The following ORC4 variants were observed in gnomAD, a reference collection of about 807,000 sequenced individuals.
ORC4 encodes origin recognition complex, subunit 4 homolog.
ORC4 carries 55 observed loss-of-function variants against 63.9 expected under a neutral mutation model. The ratio of observed to expected loss-of-function variants is 0.86; its 90% CI spans 0.69 to 1.08. The LOEUF is 1.08. Among genes scored for constraint, ORC4 ranks in the 50% least tolerant of loss-of-function variants. ORC4 has a pLI of 0.00. For missense variants in ORC4, 511 were observed against 504.4 expected, an observed-to-expected ratio of 1.01 and a Z score of -0.13; for synonymous variants, 150 against 168.5, an observed-to-expected ratio of 0.89 and a Z score of 0.85.
At chr2:147,945,066 T>G (rs181557717) in intron 9 of ORC4, among the ~76,000 whole-genome samples, 2 of 152,222 alleles carry the variant, frequency 1.3e-5, no homozygotes, top group East Asian at 3.9e-4. Context: ...GGAAGATATG[T>G]GGCTAAATAT....
intron 4 of ORC4, among the ~76,000 whole-genome samples, chr2:147,959,361 C>CT (rs3835752): frequency 0.33 from 49,314 of 151,416 alleles, 8,272 homozygotes; most frequent in East Asian, 0.51. Flanking sequence ...CCAATGCATT[C>CT]TTTTTTTTAA....
At chr2:147,973,329 T>C in intron 3 of ORC4, 119 bp downstream of exon 3, 1 of 716,074 alleles carries the variant, frequency 1.4e-6, no homozygotes, top group South Asian at 1.6e-5. Flanking sequence ...CAAAATTTTT[T>C]ATTTCTATAA....
chr2:147,989,770 C>T (rs1360086356), intron 1 of ORC4, among the ~76,000 whole-genome samples: 1 of 152,110 alleles, frequency 6.6e-6, no homozygotes, highest in East Asian at 1.9e-4. Context: ...TTTCCAAGAA[C>T]ACTAATTTAT....
intron 2 of ORC4, among the ~76,000 whole-genome samples, chr2:147,974,013 G>T (rs1005657937): frequency 1.1e-4 from 16 of 152,236 alleles, no homozygotes; most frequent in African/African-American, 3.9e-4. Flanking sequence ...ACCTGAGGGT[G>T]CTATCTCAGA....
intron 1 of ORC4, among the ~76,000 whole-genome samples, chr2:147,993,902 T>C (rs538490549): frequency 2.0e-4 from 30 of 152,314 alleles, no homozygotes; most frequent in African/African-American, 7.0e-4. Flanking sequence ...ATTCTTTATA[T>C]ACCTTTTCTC....
At chr2:147,973,836 G>T (rs1367989432) in intron 2 of ORC4, among the ~76,000 whole-genome samples, 1 of 152,166 alleles carries the variant, frequency 6.6e-6, no homozygotes, top group Non-Finnish European at 1.5e-5. Context: ...GTTAAGAAAA[G>T]AATTCTTGTA....
intron 7 of ORC4, among the ~76,000 whole-genome samples, chr2:147,953,619 T>C (rs1689087622): frequency 6.6e-6 from 1 of 152,142 alleles, no homozygotes; most frequent in African/African-American, 2.4e-5. Context: ...GATTATAAAG[T>C]TCAACTAAAG....
intron 1 of ORC4, among the ~76,000 whole-genome samples, chr2:147,995,718 G>A (rs532578161): frequency 2.0e-5 from 3 of 152,104 alleles, no homozygotes; most frequent in East Asian, 1.9e-4. Flanking sequence ...CGAAGTTAGC[G>A]AGACCACGAA....
At chr2:147,965,765 T>C (rs888517400) in intron 4 of ORC4, among the ~76,000 whole-genome samples, 20 of 152,200 alleles carry the variant, frequency 1.3e-4, no homozygotes, top group African/African-American at 4.8e-4. Context: ...CTGCAGAATG[T>C]ACATTCTTCT....
intron 4 of ORC4, among the ~76,000 whole-genome samples, chr2:147,971,471 C>G (rs1690205497): frequency 6.6e-6 from 1 of 151,518 alleles, no homozygotes; most frequent in African/African-American, 2.4e-5. Flanking sequence ...GACACCTCAC[C>G]AAACATATAT....
chr2:147,980,284 A>G (rs1249001268), intron 1 of ORC4, among the ~76,000 whole-genome samples: 1 of 152,136 alleles, frequency 6.6e-6, no homozygotes, highest in Non-Finnish European at 1.5e-5. Context: ...TATAATAGCT[A>G]TTTACAAAGC....
chr2:147,952,460 A>C lies in ORC4; in HGVS notation c.501T>G (p.His167Gln). ...ILDEFDLFAH[H>Q]KNQTLLYNLF... ...GATTATAGAGAAGTGTTTGGTTTTT[A>C]TGATGAGCAAAAAGATCAAATTCAT... The change falls in exon 8 of 14, where the codon CAT becomes CAG. Residue 167 changes from histidine (H) to glutamine (Q), a missense_variant. By Grantham distance (24) the His-to-Gln change is conservative. Coordinates refer to ENST00000392857, the MANE Select transcript of ORC4 (RefSeq NM_181741.4). 1 of 1,611,400 alleles carries C rather than the reference A, an allele frequency of 6.2e-7. No individual in the cohort carries two copies. Among genetic ancestry groups the C allele is most frequent in the Non-Finnish European group, 8.5e-7 (1 of 1,177,568 alleles).
At chr2:148,000,062 A>T (rs1692205181) in intron 1 of ORC4, among the ~76,000 whole-genome samples, 1 of 151,156 alleles carries the variant, frequency 6.6e-6, no homozygotes, top group African/African-American at 2.4e-5. Flanking sequence ...AGTATGAAGA[A>T]AAAAAAAACA....
chr2:147,963,184 A>G (rs1689702601), intron 4 of ORC4, among the ~76,000 whole-genome samples: 1 of 152,146 alleles, frequency 6.6e-6, no homozygotes, highest in Admixed American at 6.5e-5. Flanking sequence ...ACACTTGCCA[A>G]CTGCCCCTAA....
chr2:147,939,853 CTTCT>C (rs987141388), intron 10 of ORC4, among the ~76,000 whole-genome samples: 8 of 152,052 alleles, frequency 5.3e-5, no homozygotes, highest in Admixed American at 1.3e-4. Context: ...TCCTTCCTTC[CTTCT>C]TTATTTGTAT....
chr2:147,938,618 T>G (rs1031397929), intron 11 of ORC4: 4 of 493,420 alleles, frequency 8.1e-6, no homozygotes, highest in African/African-American at 7.7e-5. Flanking sequence ...ATTTTTAAAC[T>G]TTTAGAAATG....
intron 1 of ORC4, among the ~76,000 whole-genome samples, chr2:148,014,499 T>C (rs995899928): frequency 5.3e-5 from 8 of 152,144 alleles, no homozygotes; most frequent in African/African-American, 1.9e-4. Context: ...CTATAATTTT[T>C]TAAATACAAC....
chr2:147,992,557 GA>G lies in ORC4; in HGVS notation c.-17-16583del, dbSNP rs148789252. 6.1e-3 allele frequency among the ~76,000 whole-genome samples: 929 copies of G among 152,250 alleles called. 7 individuals are homozygous for G. Among genetic ancestry groups the G allele is most frequent in the African/African-American group, 0.021 (893 of 41,536 alleles). On this transcript the variant is annotated intron_variant, in intron 1 of 13. Coordinates refer to ENST00000392857, the MANE Select transcript of ORC4 (RefSeq NM_181741.4). ...AGCCCCAAACTACACATAAATTACA[GA>G]ACTGTACTTTCTTGCAATATCAATT...
intron 7 of ORC4, among the ~76,000 whole-genome samples, 174 bp downstream of exon 7, chr2:147,955,173 T>C (rs1373123045): frequency 6.6e-6 from 1 of 151,858 alleles, no homozygotes; most frequent in African/African-American, 2.4e-5. Flanking sequence ...CAAATGCTAA[T>C]TGAGATAATC....
Sources: allele counts gnomAD v4.1 joint callset (sites outside exome capture counted in the v4.1 genomes callset), GRCh38; gene constraint gnomAD v4.1.1; transcripts MANE v1.5; gene names NCBI Gene and HGNC (gene_info 2026-07-23, HGNC 2026-07-21).